The following ENTREP2 variants were observed in gnomAD, a reference collection of about 807,000 sequenced individuals.
The protein encoded by ENTREP2 is protein ENTREP2.
chr15:29,425,556 G>A, the ENTREP2 span, among the ~76,000 whole-genome samples: 11 of 152,148 alleles, frequency 7.2e-5, no homozygotes, highest in Admixed American at 7.2e-4. Context: ...TAAAAGTGCT[G>A]TCTTTTAATA....
chr15:29,598,719 C>T, the ENTREP2 span, among the ~76,000 whole-genome samples: 15 of 151,774 alleles, frequency 9.9e-5, no homozygotes, highest in African/African-American at 3.1e-4. Context: ...TTTTTTGAGA[C>T]GGAGTCTCGC....
chr15:29,223,048 C>T, the ENTREP2 span, among the ~76,000 whole-genome samples: 582 of 152,298 alleles, frequency 3.8e-3, 2 homozygotes, highest in Non-Finnish European at 6.0e-3. Flanking sequence ...ACAAATTACT[C>T]TCCGTTGCTC....
At chr15:29,132,493 C>G in the ENTREP2 span, among the ~76,000 whole-genome samples, 1 of 152,166 alleles carries the variant, frequency 6.6e-6, no homozygotes, top group Non-Finnish European at 1.5e-5. Context: ...TGTGCCCCTG[C>G]CAGCACTGGG....
the ENTREP2 span, among the ~76,000 whole-genome samples, chr15:29,641,767 G>A: frequency 6.6e-6 from 1 of 151,378 alleles, no homozygotes; most frequent in South Asian, 2.1e-4. Context: ...GGGAGGCAGA[G>A]GTTGGAGTGA....
At chr15:29,457,140 G>T in the ENTREP2 span, among the ~76,000 whole-genome samples, 1,276 of 152,236 alleles carry the variant, frequency 8.4e-3, 53 homozygotes, top group Admixed American at 0.07. Context: ...AAAGGAGCAC[G>T]ACTTCCCAAA....
the ENTREP2 span, among the ~76,000 whole-genome samples, chr15:29,625,429 T>A: frequency 6.6e-6 from 1 of 152,226 alleles, no homozygotes; most frequent in Non-Finnish European, 1.5e-5. Context: ...GAAGTCTGGC[T>A]CTGTCGCTCA....
the ENTREP2 span, among the ~76,000 whole-genome samples, chr15:29,587,106 A>G: frequency 8.9e-6 from 1 of 111,922 alleles, no homozygotes; most frequent in Admixed American, 9.8e-5. Flanking sequence ...TGGGAATATG[A>G]GTTCATGAGA....
chr15:29,565,402 A>G, the ENTREP2 span, among the ~76,000 whole-genome samples: 1 of 152,208 alleles, frequency 6.6e-6, no homozygotes, highest in African/African-American at 2.4e-5. Flanking sequence ...TCAAAAAAAA[A>G]AAAAGCAGTG....
At chr15:29,401,031 C>T in the ENTREP2 span, among the ~76,000 whole-genome samples, 1 of 152,210 alleles carries the variant, frequency 6.6e-6, no homozygotes, top group Non-Finnish European at 1.5e-5. Context: ...CAAGCCTGGG[C>T]CCCGGAATGG....
At chr15:29,491,884 A>G in the ENTREP2 span, among the ~76,000 whole-genome samples, 32 of 152,294 alleles carry the variant, frequency 2.1e-4, no homozygotes, top group African/African-American at 7.0e-4. Context: ...GACACTATAC[A>G]TATCAATCTC....
At chr15:29,240,389 A>G in the ENTREP2 span, among the ~76,000 whole-genome samples, 1 of 151,706 alleles carries the variant, frequency 6.6e-6, no homozygotes, top group African/African-American at 2.4e-5. Flanking sequence ...AGAAAGAAAG[A>G]AAAGGAAAAC....
At chr15:29,404,802 A>C in the ENTREP2 span, among the ~76,000 whole-genome samples, 1 of 152,058 alleles carries the variant, frequency 6.6e-6, no homozygotes, top group Non-Finnish European at 1.5e-5. Flanking sequence ...CAATACAGCC[A>C]GTGCTCCTGG....
the ENTREP2 span, among the ~76,000 whole-genome samples, chr15:29,475,021 G>A: frequency 6.6e-6 from 1 of 152,080 alleles, no homozygotes; most frequent in Non-Finnish European, 1.5e-5. Flanking sequence ...AGAAACCTGT[G>A]TGCCCTACAT....
chr15:29,290,183 C>T, the ENTREP2 span, among the ~76,000 whole-genome samples: 586 of 152,258 alleles, frequency 3.8e-3, 5 homozygotes, highest in African/African-American at 0.013. Flanking sequence ...GTCTGCACAC[C>T]GGGCAGCCCC....
the ENTREP2 span, among the ~76,000 whole-genome samples, chr15:29,442,145 G>A: frequency 6.6e-6 from 1 of 152,186 alleles, no homozygotes. Context: ...TGCACACAGT[G>A]ACCCTCCCAG....
chr15:29,485,467 C>T, the ENTREP2 span, among the ~76,000 whole-genome samples: 3 of 152,138 alleles, frequency 2.0e-5, no homozygotes, highest in African/African-American at 4.8e-5. Flanking sequence ...CTGTGTAACT[C>T]AGAATGCACT....
chr15:29,181,786 T>G, the ENTREP2 span, among the ~76,000 whole-genome samples: 1 of 152,182 alleles, frequency 6.6e-6, no homozygotes, highest in Non-Finnish European at 1.5e-5. Context: ...TTAAAACTCA[T>G]GGCAAACTCT....
the ENTREP2 span, among the ~76,000 whole-genome samples, chr15:29,500,825 C>T: frequency 6.6e-6 from 1 of 151,772 alleles, no homozygotes; most frequent in African/African-American, 2.4e-5. Context: ...AAAAGATCAA[C>T]AATATTGACA....
chr15:29,208,845 T>C, the ENTREP2 span, among the ~76,000 whole-genome samples: 2 of 151,930 alleles, frequency 1.3e-5, no homozygotes, highest in African/African-American at 2.4e-5. Context: ...ACTCACACAA[T>C]GGAAAATTGG....
Sources: allele counts gnomAD v4.1 joint callset (sites outside exome capture counted in the v4.1 genomes callset), GRCh38; gene constraint gnomAD v4.1.1; transcripts MANE v1.5; gene names NCBI Gene and HGNC (gene_info 2026-07-23, HGNC 2026-07-21).